The following SIPA1L1 variants were observed in gnomAD, a reference collection of about 807,000 sequenced individuals.
SIPA1L1 encodes the protein signal-induced proliferation-associated 1-like protein 1.
Under a neutral mutation model 162.7 loss-of-function variants are expected in SIPA1L1, and 26 were observed. The observed-to-expected ratio is 0.16, with a 90% CI of 0.12 to 0.22. The LOEUF is 0.22. SIPA1L1 is among the 10% of genes least tolerant of loss of function. SIPA1L1 has a pLI of 1.00. For synonymous variants in SIPA1L1, 829 were observed against 837.4 expected, an observed-to-expected ratio of 0.99 and a Z score of 0.17; for missense variants, 1,874 against 2,241.0, an observed-to-expected ratio of 0.84 and a Z score of 3.31.
intron 7 of SIPA1L1, among the ~76,000 whole-genome samples, chr14:71,643,639 G>C (rs2041915133): frequency 6.6e-6 from 1 of 152,206 alleles, no homozygotes; most frequent in Non-Finnish European, 1.5e-5. Context: ...ATGTGCATCT[G>C]CTGTCAGTCT....
At chr14:71,701,447 T>G (rs2082096898) in intron 14 of SIPA1L1, among the ~76,000 whole-genome samples, 1 of 151,896 alleles carries the variant, frequency 6.6e-6, no homozygotes, top group African/African-American at 2.4e-5. Context: ...GACTCTTGTC[T>G]TCAAGTGATC....
At chr14:71,582,059 A>G (rs2147334276) in intron 4 of SIPA1L1, among the ~76,000 whole-genome samples, 1 of 152,194 alleles carries the variant, frequency 6.6e-6, no homozygotes, top group Middle Eastern at 3.4e-3. Flanking sequence ...CAATTATTCC[A>G]CCATGGGTTG....
intron 2 of SIPA1L1, among the ~76,000 whole-genome samples, chr14:71,462,800 G>A (rs531493989): frequency 2.6e-5 from 4 of 152,272 alleles, no homozygotes; most frequent in African/African-American, 9.6e-5. Context: ...AGGTCTCTCC[G>A]AATAAATTAT....
chr14:71,563,375 T>G (rs1012442186), intron 4 of SIPA1L1, among the ~76,000 whole-genome samples: 8 of 152,156 alleles, frequency 5.3e-5, no homozygotes, highest in Non-Finnish European at 1.0e-4. Flanking sequence ...TCTTTTGGTT[T>G]GTACATCTTG....
intron 16 of SIPA1L1, among the ~76,000 whole-genome samples, chr14:71,707,450 G>A (rs188337945): frequency 2.4e-4 from 37 of 152,068 alleles, no homozygotes; most frequent in Middle Eastern, 3.4e-3. Flanking sequence ...GGGCATTTTC[G>A]TCACCACCAC....
chr14:71,511,728 C>T (rs1040652722), intron 2 of SIPA1L1, among the ~76,000 whole-genome samples: 6 of 152,206 alleles, frequency 3.9e-5, no homozygotes, highest in Non-Finnish European at 7.4e-5. Context: ...ACCCCTGAAC[C>T]GCTTTGGAAT....
chr14:71,455,745 C>G (rs1467526113), intron 2 of SIPA1L1, among the ~76,000 whole-genome samples: 2 of 152,086 alleles, frequency 1.3e-5, no homozygotes, highest in African/African-American at 4.8e-5. Flanking sequence ...TCACATAGTT[C>G]GTAAGGGCCT....
At chr14:71,583,126 T>C (rs935933808) in intron 4 of SIPA1L1, among the ~76,000 whole-genome samples, 2 of 152,240 alleles carry the variant, frequency 1.3e-5, no homozygotes, top group Admixed American at 6.5e-5. Context: ...ATTCTAAGTC[T>C]GTGTTTACAA....
intron 5 of SIPA1L1, among the ~76,000 whole-genome samples, chr14:71,613,193 T>C (rs1402112455): frequency 2.0e-5 from 3 of 152,178 alleles, no homozygotes; most frequent in South Asian, 4.1e-4. Flanking sequence ...AATAAAATTT[T>C]AGAAACTTAT....
At chr14:71,627,443 G>T (rs1016618766) in intron 7 of SIPA1L1, among the ~76,000 whole-genome samples, 1 of 151,888 alleles carries the variant, frequency 6.6e-6, no homozygotes, top group Middle Eastern at 3.2e-3. Context: ...CACCACGCCC[G>T]CCTTTCACTA....
intron 4 of SIPA1L1, among the ~76,000 whole-genome samples, chr14:71,567,144 C>A (rs527989479): frequency 7.9e-5 from 12 of 152,168 alleles, no homozygotes; most frequent in African/African-American, 2.6e-4. Context: ...CAAGCAGGGC[C>A]CCCCACACAT....
intron 12 of SIPA1L1, among the ~76,000 whole-genome samples, chr14:71,676,925 G>A (rs954491743): frequency 1.5e-4 from 23 of 152,158 alleles, no homozygotes; most frequent in Admixed American, 4.6e-4. Context: ...GAATAGTGCC[G>A]CAATAAACAT....
At chr14:71,652,581 T>C (rs760862405) in intron 8 of SIPA1L1, among the ~76,000 whole-genome samples, 9 of 152,100 alleles carry the variant, frequency 5.9e-5, no homozygotes, top group Non-Finnish European at 1.3e-4. Context: ...ATTACACATA[T>C]GTTATATCAC....
chr14:71,518,559 T>C (rs2051975411), intron 3 of SIPA1L1, among the ~76,000 whole-genome samples: 1 of 152,228 alleles, frequency 6.6e-6, no homozygotes, highest in African/African-American at 2.4e-5. Context: ...TCATGTGAAC[T>C]TCACATATAG....
At chr14:71,389,466 T>C (rs984227748) in intron 2 of SIPA1L1, among the ~76,000 whole-genome samples, 10 of 152,220 alleles carry the variant, frequency 6.6e-5, no homozygotes, top group African/African-American at 2.4e-4. Context: ...TTTGAATTTC[T>C]GTTTTTAAGA....
intron 4 of SIPA1L1, among the ~76,000 whole-genome samples, chr14:71,577,682 C>T (rs1596236094): frequency 6.8e-6 from 1 of 147,274 alleles, no homozygotes; most frequent in East Asian, 2.0e-4. Flanking sequence ...CCCAGCTGCA[C>T]TTTGTGTTAT....
chr14:71,351,518 GAGAA>G (rs2036705613), intron 2 of SIPA1L1, among the ~76,000 whole-genome samples: 1 of 152,184 alleles, frequency 6.6e-6, no homozygotes. Flanking sequence ...ATATGACTGA[GAGAA>G]AGGTTAATGC....
At chr14:71,593,294 C>G (rs932356707) in intron 5 of SIPA1L1, among the ~76,000 whole-genome samples, 1 of 152,162 alleles carries the variant, frequency 6.6e-6, no homozygotes, top group African/African-American at 2.4e-5. Flanking sequence ...TCACTGCAAT[C>G]TTTGCCTCCT....
intron 13 of SIPA1L1, among the ~76,000 whole-genome samples, chr14:71,687,406 A>C (rs953738284): frequency 1.5e-4 from 23 of 152,322 alleles, no homozygotes; most frequent in African/African-American, 3.8e-4. Flanking sequence ...AGATGAACCT[A>C]GGAAATCACT....
Sources: allele counts gnomAD v4.1 joint callset (sites outside exome capture counted in the v4.1 genomes callset), GRCh38; gene constraint gnomAD v4.1.1; transcripts MANE v1.5; gene names NCBI Gene and HGNC (gene_info 2026-07-23, HGNC 2026-07-21).